GHR: variants seen among roughly 807,000 people sequenced by gnomAD.
The protein encoded by GHR is growth hormone receptor.
GHR carries 35 observed loss-of-function variants against 67.1 expected under a neutral mutation model. That is an observed-to-expected ratio of 0.52 (90% CI 0.40 to 0.69). The LOEUF (loss-of-function observed/expected upper bound fraction) is 0.69, where lower values mean the gene tolerates loss of function less well. Among genes scored for constraint, GHR ranks in the 30% least tolerant of loss-of-function variants. GHR has a pLI of 0.00. For synonymous variants in GHR, 272 were observed against 269.1 expected, an observed-to-expected ratio of 1.01 and a Z score of -0.10; for missense variants, 792 against 764.6, an observed-to-expected ratio of 1.04 and a Z score of -0.42.
At chr5:42,705,857 G>A (rs369275218) in intron 6 of GHR, among the ~76,000 whole-genome samples, 2 of 152,116 alleles carry the variant, frequency 1.3e-5, no homozygotes, top group Admixed American at 6.5e-5. Context: ...ATGAACACAC[G>A]CATGCATGTG....
At chr5:42,453,295 T>C (rs550904321) in intron 1 of GHR, among the ~76,000 whole-genome samples, 47 of 152,280 alleles carry the variant, frequency 3.1e-4, no homozygotes, top group African/African-American at 1.1e-3. Context: ...TGTCCTCCTC[T>C]CATGGTATAC....
At position 42,423,962 on chromosome 5, in the gene GHR, G is replaced by T. The variant is rs1399624456; in HGVS notation, c.-12+7G>T. The T allele has an allele frequency of 1.3e-5, 2 of 154,004 alleles. No homozygotes were observed. The highest frequency in any genetic ancestry group is 1.5e-5 in the Non-Finnish European group (1 of 68,522). 9.5% of individuals were successfully genotyped at this position (154,004 alleles called of 1,614,324 possible). A position where few individuals can be genotyped will look rare whatever the true frequency, so the allele number is the denominator to read the frequency against. On this transcript the variant is annotated splice_region_variant and intron_variant, in intron 1 of 9. Coordinates refer to ENST00000230882, the MANE Select transcript of GHR (RefSeq NM_000163.5). ...TCAGAGGCGAAGCTCGGAGGTACTG[G>T]AGTGGGGCTCCGGGAGTCTGGCTTT... is the stretch of plus-strand genomic sequence containing the variant.
chr5:42,628,890 C>A lies in GHR; in HGVS notation c.71-148C>A, dbSNP rs535928762. ...ATCCAACCTGCCTTCCCATTGTGGC[C>A]AGGAACCTTTCTCTGGAGTCCCCTT... On this transcript the variant is annotated intron_variant, in intron 2 of 9. Transcript: ENST00000230882. 46 of 632,126 alleles carry A rather than the reference C, an allele frequency of 7.3e-5. 10 individuals carry two copies. In the South Asian group the frequency reaches 7.6e-4, roughly 10 times the overall value. 39.2% of individuals were successfully genotyped at this position (632,126 alleles called of 1,614,324 possible). A position where few individuals can be genotyped will look rare whatever the true frequency, so the allele number is the denominator to read the frequency against.
chr5:42,459,884 C>T (rs909452551), intron 1 of GHR, among the ~76,000 whole-genome samples: 1 of 152,150 alleles, frequency 6.6e-6, no homozygotes, highest in Admixed American at 6.5e-5. Context: ...GCTTTAGACA[C>T]CATGGTTCAA....
intron 3 of GHR, among the ~76,000 whole-genome samples, chr5:42,629,323 T>G (rs983381186): frequency 7.6e-6 from 1 of 132,194 alleles, no homozygotes; most frequent in Non-Finnish European, 1.6e-5. Context: ...ATCCCCAATG[T>G]TGGAAGTGGA....
intron 2 of GHR, among the ~76,000 whole-genome samples, chr5:42,576,099 T>TAAAATAAAATAATAAAATA (rs11400007): frequency 1.4e-5 from 1 of 69,236 alleles, no homozygotes; most frequent in African/African-American, 5.7e-5. Flanking sequence ...TAAAATAAAA[T>TAAAATAAAATAATAAAATA]AAATAAAATA....
intron 1 of GHR, among the ~76,000 whole-genome samples, chr5:42,431,956 G>A (rs1261732669): frequency 3.3e-5 from 5 of 152,174 alleles, no homozygotes; most frequent in Admixed American, 1.3e-4. Context: ...TTCAGCACAG[G>A]TGTAGAGAAT....
At chr5:42,447,743 C>CCTTT (rs527603457) in intron 1 of GHR, among the ~76,000 whole-genome samples, 3 of 123,672 alleles carry the variant, frequency 2.4e-5, no homozygotes, top group Admixed American at 2.0e-4. Flanking sequence ...TTCTTTCTTT[C>CCTTT]CTTTCTTTCT....
chr5:42,489,323 G>A (rs570799553), intron 1 of GHR, among the ~76,000 whole-genome samples: 22 of 151,712 alleles, frequency 1.5e-4, no homozygotes, highest in African/African-American at 3.4e-4. Context: ...TAGCAATATC[G>A]TATCCTAACC....
At chr5:42,682,143 A>G (rs1756914928) in intron 3 of GHR, among the ~76,000 whole-genome samples, 1 of 152,150 alleles carries the variant, frequency 6.6e-6, no homozygotes, top group South Asian at 2.1e-4. Flanking sequence ...GCTGGAAACC[A>G]TCATTCTCAG....
chr5:42,640,865 G>A (rs1253776543), intron 3 of GHR, among the ~76,000 whole-genome samples: 2 of 151,882 alleles, frequency 1.3e-5, no homozygotes, highest in Admixed American at 1.3e-4. Context: ...GAGAATCCCT[G>A]CTTTTATGTT....
chr5:42,584,986 T>C (rs1190257226), intron 2 of GHR, among the ~76,000 whole-genome samples: 1 of 152,176 alleles, frequency 6.6e-6, no homozygotes, highest in Non-Finnish European at 1.5e-5. Context: ...TCTCTGACCA[T>C]TTAAAAATTT....
intron 1 of GHR, among the ~76,000 whole-genome samples, chr5:42,529,039 T>C (rs1355378622): frequency 6.7e-6 from 1 of 148,384 alleles, no homozygotes; most frequent in Non-Finnish European, 1.5e-5. Flanking sequence ...TGAGACAGAG[T>C]CTTGCTCTGT....
Position 42,711,310 on chromosome 5 carries a change from G to T in GHR, c.722G>T (p.Gly241Val). ...RSKQRNSGNY[G>V]EFSEVLYVTL... ...AAACAACGAAACTCTGGAAATTATG[G>T]CGAGTTCAGTGAGGTGCTCTATGTA... The change falls in exon 7 of 10, where the codon GGC (glycine) becomes GTC (valine). Residue 241 changes from glycine (G) to valine (V), a missense_variant. Coordinates refer to ENST00000230882, the MANE Select transcript of GHR (RefSeq NM_000163.5). 1 of 1,613,182 alleles carries T rather than the reference G, an allele frequency of 6.2e-7. No individual in the cohort carries two copies. Among genetic ancestry groups the T allele is most frequent in the Non-Finnish European group, 8.5e-7 (1 of 1,179,158 alleles).
chr5:42,479,008 A>G (rs1347364321), intron 1 of GHR, among the ~76,000 whole-genome samples: 1 of 152,166 alleles, frequency 6.6e-6, no homozygotes, highest in Non-Finnish European at 1.5e-5. Flanking sequence ...TCAGTATGAT[A>G]TTGGCTGTGA....
At chr5:42,653,323 G>GT (rs1755098701) in intron 3 of GHR, among the ~76,000 whole-genome samples, 1 of 152,084 alleles carries the variant, frequency 6.6e-6, no homozygotes, top group African/African-American at 2.4e-5. Flanking sequence ...GCAAGATAAC[G>GT]TATTAGTTTT....
chr5:42,557,854 A>C (rs1488272120), intron 1 of GHR, among the ~76,000 whole-genome samples: 1 of 152,122 alleles, frequency 6.6e-6, no homozygotes, highest in Non-Finnish European at 1.5e-5. Context: ...TGTCTCTTAC[A>C]TTTTTTATCA....
At chr5:42,460,457 A>C (rs1744440535) in intron 1 of GHR, among the ~76,000 whole-genome samples, 1 of 152,218 alleles carries the variant, frequency 6.6e-6, no homozygotes, top group Admixed American at 6.5e-5. Context: ...GTTTTAAATG[A>C]AATTGCTTAA....
rs1306609729 is a variant in GHR, at chr5:42,423,518, G to T, written c.-449G>T. On this transcript the variant is annotated 5_prime_UTR_variant, in exon 1 of 10. Transcript: ENST00000230882. ...GCAACTCGGAATGCTTGGCCCGGGC[G>T]GCACTCGGCCTCTCCGCAGCAGTTC... is the stretch of plus-strand genomic sequence containing the variant. Among the ~76,000 whole-genome samples the T allele has an allele frequency of 1.3e-5, 2 of 152,192 alleles. No individual in the cohort carries two copies. Among genetic ancestry groups the T allele is most frequent in the Non-Finnish European group, 2.9e-5 (2 of 68,036 alleles).
Sources: gnomAD v4.1 joint callset for allele counts (sites outside exome capture counted in the v4.1 genomes callset) on GRCh38, gnomAD v4.1.1 for gene constraint, MANE v1.5 for transcripts, NCBI Gene and HGNC (gene_info 2026-07-23, HGNC 2026-07-21) for gene names.